Variants in DENND2B observed in about 807,000 individuals in gnomAD.
DENND2B encodes DENN domain-containing protein 2B.
A neutral mutation model predicts 116.0 loss-of-function variants in DENND2B; 32 were observed. The observed-to-expected ratio is 0.28, with a 90% CI of 0.21 to 0.37. The LOEUF (loss-of-function observed/expected upper bound fraction) is 0.37. Among genes scored for constraint, DENND2B ranks in the 10% least tolerant of loss-of-function variants. The pLI, the probability that DENND2B is intolerant of heterozygous loss-of-function variation, is 1.00. For synonymous variants in DENND2B, 588 were observed against 583.9 expected (o/e 1.01, Z -0.10); for missense variants, 1,276 against 1,477.7 (o/e 0.86, Z 2.24).
chr11:8,847,895 T>A (rs1346998818), intron 3 of DENND2B, among the ~76,000 whole-genome samples: 1 of 152,110 alleles, frequency 6.6e-6, no homozygotes, highest in Non-Finnish European at 1.5e-5. Flanking sequence ...CAGAGAACTA[T>A]CCCGCAAATG....
intron 1 of DENND2B, among the ~76,000 whole-genome samples, chr11:8,779,510 CTTTCTTTT>C (rs1443677086): frequency 9.5e-6 from 1 of 105,564 alleles, no homozygotes; most frequent in Non-Finnish European, 2.0e-5. Context: ...TTCTTTCTTT[CTTTCTTTT>C]TTTTTTTTTT....
chr11:8,726,441 A>C (rs911381037), intron 3 of DENND2B: 1 of 446,432 alleles, frequency 2.2e-6, no homozygotes, highest in Non-Finnish European at 3.9e-6. Context: ...CTATTAGATA[A>C]CAACTACCCC....
At chr11:8,734,804 A>AAG (rs1375061959) in intron 2 of DENND2B, among the ~76,000 whole-genome samples, 2 of 151,554 alleles carry the variant, frequency 1.3e-5, no homozygotes, top group Non-Finnish European at 2.9e-5. Flanking sequence ...AAAAAAAAAA[A>AAG]AAAAAAAGAA....
intron 3 of DENND2B, chr11:8,845,188 T>C (rs377392711): frequency 3.3e-5 from 5 of 152,316 alleles, no homozygotes; most frequent in African/African-American, 1.2e-4. Flanking sequence ...TTATTCAAAA[T>C]GCATTAATTT....
At chr11:8,806,977 T>C (rs1316777087) in intron 1 of DENND2B, among the ~76,000 whole-genome samples, 1 of 151,094 alleles carries the variant, frequency 6.6e-6, no homozygotes, top group African/African-American at 2.4e-5. Context: ...CCATGGTCCC[T>C]CCAACTCAAA....
intron 1 of DENND2B, among the ~76,000 whole-genome samples, chr11:8,900,695 G>A (rs1256821378): frequency 3.3e-5 from 5 of 151,192 alleles, no homozygotes; most frequent in South Asian, 2.1e-4. Flanking sequence ...GGCCGGGTGC[G>A]GTGGCTCATG....
At position 8,890,339 on chromosome 11, in the gene DENND2B, C is replaced by T. The variant is rs183016771; in HGVS notation, c.-255-9230G>A. 2.8e-3 allele frequency among the ~76,000 whole-genome samples: 428 copies of T among 152,316 alleles called. 2 individuals are homozygous for T. The highest frequency in any genetic ancestry group is 1.0e-2 in the African/African-American group (415 of 41,582). On this transcript the variant is annotated intron_variant, in intron 1 of 22. Transcript: ENST00000534127. ...AAATTCTAAAAATCAGAGCACATCT[C>T]CCCCTCCAAAGGAACGAAGCTCCTC... is the stretch of plus-strand genomic sequence containing the variant.
intron 3 of DENND2B, among the ~76,000 whole-genome samples, chr11:8,843,628 C>G (rs1001643697): frequency 2.0e-5 from 3 of 152,196 alleles, no homozygotes; most frequent in Non-Finnish European, 4.4e-5. Flanking sequence ...TCCAGCCCCA[C>G]CACCGCCTCT....
At chr11:8,762,315 CT>C (rs2054807866) in intron 1 of DENND2B, among the ~76,000 whole-genome samples, 1 of 152,148 alleles carries the variant, frequency 6.6e-6, no homozygotes, top group Admixed American at 6.5e-5. Context: ...AGGTGTGTTC[CT>C]ACCCCAGGGC....
chr11:8,902,515 A>G (rs1441600150), intron 1 of DENND2B, among the ~76,000 whole-genome samples: 1 of 152,152 alleles, frequency 6.6e-6, no homozygotes, highest in Non-Finnish European at 1.5e-5. Context: ...GATATGCCCC[A>G]CTTTGTCTAG....
At chr11:8,900,146 C>G (rs1193030316) in intron 1 of DENND2B, among the ~76,000 whole-genome samples, 1 of 152,022 alleles carries the variant, frequency 6.6e-6, no homozygotes, top group Non-Finnish European at 1.5e-5. Flanking sequence ...TAAAAATTGG[C>G]CCAGCACAGT....
chr11:8,833,931 G>T (rs2062316828), intron 4 of DENND2B, among the ~76,000 whole-genome samples: 2 of 152,166 alleles, frequency 1.3e-5, no homozygotes, highest in Non-Finnish European at 1.5e-5. Flanking sequence ...GCTACTTAGA[G>T]CCATTAGTTT....
chr11:8,897,428 G>C (rs2064117059), intron 1 of DENND2B, among the ~76,000 whole-genome samples: 1 of 152,144 alleles, frequency 6.6e-6, no homozygotes, highest in Non-Finnish European at 1.5e-5. Flanking sequence ...AGTTCTATCA[G>C]GACAGTAAAA....
Position 8,697,861 on chromosome 11 carries a change from G to T in DENND2B, c.2941-225C>A, listed in dbSNP as rs1477554322. On this transcript the variant is annotated intron_variant, in intron 16 of 19. Transcript: ENST00000313726. ...AAGTGGTAGAGGGTCAGGCGCAGTG[G>T]CTCACGCCAGTAATCCCAACACTTT... is the stretch of plus-strand genomic sequence containing the variant. The T allele has an allele frequency of 1.4e-5, 8 of 562,604 alleles. No homozygotes were observed. In the Admixed American group the frequency reaches 2.2e-4, roughly 15 times the overall value. 34.9% of individuals were successfully genotyped at this position (562,604 alleles called of 1,614,324 possible). A position where few individuals can be genotyped will look rare whatever the true frequency, so the allele number is the denominator to read the frequency against.
intron 1 of DENND2B, among the ~76,000 whole-genome samples, chr11:8,898,196 A>G (rs2064125791): frequency 6.6e-6 from 1 of 152,194 alleles, no homozygotes; most frequent in African/African-American, 2.4e-5. Context: ...ACCACTAGCT[A>G]TGTTGACCCA....
intron 14 of DENND2B, among the ~76,000 whole-genome samples, chr11:8,701,424 G>A (rs1004324889): frequency 1.0e-4 from 13 of 129,212 alleles, no homozygotes; most frequent in Non-Finnish European, 1.9e-4. Context: ...ATCAAACACC[G>A]CCTCCTCCAG....
intron 1 of DENND2B, among the ~76,000 whole-genome samples, chr11:8,885,031 T>A (rs986596756): frequency 1.3e-5 from 2 of 152,222 alleles, no homozygotes; most frequent in African/African-American, 4.8e-5. Context: ...TTCTTCCCCA[T>A]CTACCAATCC....
At chr11:8,882,919 T>C (rs528613174) in intron 1 of DENND2B, among the ~76,000 whole-genome samples, 3 of 152,258 alleles carry the variant, frequency 2.0e-5, no homozygotes, top group Admixed American at 2.0e-4. Flanking sequence ...GCCTAGAAGG[T>C]TGAGACTGTA....
intron 1 of DENND2B, among the ~76,000 whole-genome samples, chr11:8,903,005 A>G (rs2568033): frequency 0.9 from 136,459 of 151,958 alleles, 63,064 homozygotes; most frequent in East Asian, 1. Context: ...GACTACAGGC[A>G]TGCGCCACCA....
Sources: gnomAD v4.1 joint callset for allele counts (sites outside exome capture counted in the v4.1 genomes callset) on GRCh38, gnomAD v4.1.1 for gene constraint, MANE v1.5 for transcripts, NCBI Gene and HGNC (gene_info 2026-07-23, HGNC 2026-07-21) for gene names.